Variants in ENG observed in about 807,000 individuals in gnomAD.
ENG encodes endoglin.
In ENG, 17 loss-of-function variants were observed where a neutral mutation model predicts 71.0. The ratio of observed to expected loss-of-function variants is 0.24; its 90% CI spans 0.16 to 0.36. The LOEUF is 0.36. Ranked by LOEUF, ENG falls within the 10% of genes least tolerant of loss-of-function variation. ENG has a pLI of 1.00. For missense variants in ENG, 749 were observed against 868.3 expected (o/e 0.86, Z 1.73); for synonymous variants, 360 against 366.9 (o/e 0.98, Z 0.21).
intron 2 of ENG, among the ~76,000 whole-genome samples, 167 bp from the exon 3 acceptor site, chr9:127,829,994 C>T (rs767696819): frequency 1.4e-4 from 22 of 151,998 alleles, no homozygotes; most frequent in Non-Finnish European, 2.6e-4. Flanking sequence ...TGGCCATCCT[C>T]AGGGAATTCA....
At chr9:127,841,465 G>A (rs1486819000) in intron 2 of ENG, among the ~76,000 whole-genome samples, 1 of 151,724 alleles carries the variant, frequency 6.6e-6, no homozygotes, top group African/African-American at 2.4e-5. Flanking sequence ...AGAGGCAGTC[G>A]TATTTTGAAT....
At chr9:127,854,258 G>C in intron 1 of ENG, 31 bp downstream of exon 1, 1 of 1,562,888 alleles carries the variant, frequency 6.4e-7, no homozygotes, top group Non-Finnish European at 8.7e-7. Context: ...CGGAGGCCGA[G>C]TCTCCCCACC....
intron 2 of ENG, among the ~76,000 whole-genome samples, chr9:127,833,297 C>T (rs550434888): frequency 8.6e-5 from 13 of 152,032 alleles, no homozygotes; most frequent in Non-Finnish European, 1.8e-4. Flanking sequence ...TGAGGTGAGC[C>T]GATCACCTGA....
rs942082305 is a variant in ENG, at chr9:127,846,022, G to A, written c.68-2777C>T. 1.1e-4 allele frequency among the ~76,000 whole-genome samples: 17 copies of A among 152,260 alleles called. No individual in the cohort carries two copies. The highest frequency in any genetic ancestry group is 3.9e-4 in the African/African-American group (16 of 41,552). On this transcript the variant is annotated intron_variant, in intron 1 of 14. Coordinates refer to ENST00000373203, the MANE Select transcript of ENG (RefSeq NM_001114753.3). This position sits in a 1 kb window ranked among gnomAD's most constrained non-coding sequence, Gnocchi z 5.5. ...CATGAGTGAGCCAGCATGCCTGGCC[G>A]GCAGCTTTCTCTTAATTACAATTAT...
At chr9:127,847,085 T>C in intron 1 of ENG, 1 of 278,492 alleles carries the variant, frequency 3.6e-6, no homozygotes, top group Non-Finnish European at 5.4e-6. Context: ...CCACCAATAA[T>C]CACTGCAGAT....
At chr9:127,849,084 C>T (rs907582821) in intron 1 of ENG, among the ~76,000 whole-genome samples, 8 of 152,158 alleles carry the variant, frequency 5.3e-5, no homozygotes, top group Non-Finnish European at 1.2e-4. Context: ...GTTACCTGTT[C>T]CTAACCATCC....
chr9:127,847,040 TA>T, intron 1 of ENG: 1 of 733,926 alleles, frequency 1.4e-6, no homozygotes, highest in Non-Finnish European at 1.7e-6. Flanking sequence ...AGCAGAAGCC[TA>T]ACCTCTCTGA....
chr9:127,834,206 G>A (rs1006143874), intron 2 of ENG, among the ~76,000 whole-genome samples: 24 of 152,076 alleles, frequency 1.6e-4, no homozygotes, highest in African/African-American at 5.6e-4. Flanking sequence ...CCAAGTAGCT[G>A]GGACTACAGG....
chr9:127,826,806 C>T, intron 3 of ENG, 134 bp from the exon 4 acceptor site: 1 of 1,209,806 alleles, frequency 8.3e-7, no homozygotes, highest in Non-Finnish European at 1.2e-6. Flanking sequence ...AGAATGCTGG[C>T]TGGTGGATCT....
intron 2 of ENG, among the ~76,000 whole-genome samples, chr9:127,837,657 C>T (rs893487239): frequency 3.3e-5 from 5 of 152,146 alleles, no homozygotes; most frequent in African/African-American, 9.6e-5. Flanking sequence ...ACATCATCAG[C>T]CCACTTGGGA....
At chr9:127,841,654 C>T (rs41451549) in intron 2 of ENG, among the ~76,000 whole-genome samples, 55 of 152,312 alleles carry the variant, frequency 3.6e-4, no homozygotes, top group African/African-American at 1.3e-3. Context: ...ACTGCACAAA[C>T]GCAAGGCAAC....
In ENG at chr9:127,826,709, G is replaced by C. The variant is rs368381450; in HGVS notation, c.361-37C>G. ...TGTGGAGGCTCAGCACGCTGTTCCT[G>C]GCCCTGTGCCCTCTCTATCCCATGT... On this transcript the variant is annotated intron_variant, in intron 3 of 14. Coordinates refer to ENST00000373203, the MANE Select transcript of ENG (RefSeq NM_001114753.3). 3 of 1,611,048 alleles carry C rather than the reference G, an allele frequency of 1.9e-6. No individual in the cohort carries two copies. In the African/African-American group the frequency reaches 4.0e-5, roughly 22 times the overall value.
intron 3 of ENG, among the ~76,000 whole-genome samples, chr9:127,828,880 C>G (rs993565838): frequency 1.3e-5 from 2 of 152,082 alleles, no homozygotes; most frequent in African/African-American, 2.4e-5. Flanking sequence ...TGCTCTCCCC[C>G]GGGCTCTCCC....
chr9:127,815,618 A>G lies in ENG; in HGVS notation c.*64T>C, dbSNP rs1483652994. 3.3e-6 allele frequency: 5 copies of G among 1,529,954 alleles called. No homozygotes were observed. The Admixed American group carries it at 9.9e-5, about 30-fold the overall frequency. 94.8% of individuals were successfully genotyped at this position (1,529,954 alleles called of 1,614,324 possible). A position where few individuals can be genotyped will look rare whatever the true frequency, so the allele number is the denominator to read the frequency against. ...GAGGACTGGCTCCCAGGGTGAGTTCACACCAGTGCTCCCAGCTGGCGGCTG... is the reference window on the plus strand; with the variant it reads ...GAGGACTGGCTCCCAGGGTGAGTTCGCACCAGTGCTCCCAGCTGGCGGCTG... On this transcript the variant is annotated 3_prime_UTR_variant, in exon 15 of 15. Transcript: ENST00000373203.
rs544624587 is a variant in ENG, at chr9:127,824,288, G to A, written c.1134+16C>T. The A allele has an allele frequency of 5.0e-6, 8 of 1,613,984 alleles. No homozygotes were observed. Among genetic ancestry groups the A allele is most frequent in the Admixed American group, 1.7e-5 (1 of 59,996 alleles). ...GTCCATGTCATCCTGAGCCAGAGGG[G>A]CAGGAGTTCCCTTACCGCAACAAGC... On this transcript the variant is annotated intron_variant, in intron 8 of 14. Coordinates refer to ENST00000373203, the MANE Select transcript of ENG (RefSeq NM_001114753.3).
chr9:127,817,320 C>T lies in ENG; in HGVS notation c.1687-117G>A, dbSNP rs1330684. 0.36 allele frequency: 357,959 copies of T among 997,594 alleles called. 69,568 individuals are homozygous for T. The highest frequency in any genetic ancestry group is 0.6 in the East Asian group (23,705 of 39,516). 61.8% of individuals were successfully genotyped at this position (997,594 alleles called of 1,614,324 possible). A position where few individuals can be genotyped will look rare whatever the true frequency, so the allele number is the denominator to read the frequency against. The stretch of plus-strand genomic sequence containing the variant: ...CCTTGGCTTTGAATCCCATCTCCAC[C>T]GCTTCGTAGCTGGATGCCTCTGGGT... On this transcript the variant is annotated intron_variant, in intron 12 of 14. Coordinates refer to ENST00000373203, the MANE Select transcript of ENG (RefSeq NM_001114753.3).
At chr9:127,831,506 GC>G (rs1421924636) in intron 2 of ENG, among the ~76,000 whole-genome samples, 1 of 151,726 alleles carries the variant, frequency 6.6e-6, no homozygotes, top group Non-Finnish European at 1.5e-5. Context: ...TCCTGCCTCA[GC>G]CTCCCGAGTA....
At chr9:127,820,080 T>C in intron 8 of ENG, 43 bp from the exon 9 acceptor site, 1 of 1,603,904 alleles carries the variant, frequency 6.2e-7, no homozygotes, top group Non-Finnish European at 8.5e-7. Flanking sequence ...CACTGGGGTC[T>C]CTGTGGCCTG....
intron 3 of ENG, among the ~76,000 whole-genome samples, chr9:127,828,452 C>A (rs929656380): frequency 6.6e-6 from 1 of 152,218 alleles, no homozygotes; most frequent in African/African-American, 2.4e-5. Context: ...GCTCGGGAAG[C>A]AGCGCGGCCC....
Sources: gnomAD v4.1 joint callset for allele counts (sites outside exome capture counted in the v4.1 genomes callset) on GRCh38, gnomAD v4.1.1 for gene constraint, Gnocchi (gnomAD v3.1) non-coding constraint, MANE v1.5 for transcripts, NCBI Gene and HGNC (gene_info 2026-07-23, HGNC 2026-07-21) for gene names.